The following CLEC7A variants were observed in gnomAD, a reference collection of about 807,000 sequenced individuals.
CLEC7A encodes C-type lectin domain family 7 member A.
In CLEC7A, 25 loss-of-function variants were observed where a neutral mutation model predicts 26.9. That is an observed-to-expected ratio of 0.93 (90% CI 0.68 to 1.30). The LOEUF is 1.30. CLEC7A is among the 50% of genes most tolerant of loss of function. CLEC7A has a pLI of 0.00. For synonymous variants in CLEC7A, 100 were observed against 99.5 expected, an observed-to-expected ratio of 1.01 and a Z score of -0.03; for missense variants, 275 against 286.7, an observed-to-expected ratio of 0.96 and a Z score of 0.29.
intron 2 of CLEC7A, chr12:10,126,971 G>A: frequency 2.7e-6 from 3 of 1,117,358 alleles, no homozygotes; most frequent in South Asian, 3.4e-5. Context: ...GAATGAGGGA[G>A]GCAGCAAGAG....
chr12:10,122,170 A>G (rs1948107886), intron 5 of CLEC7A, among the ~76,000 whole-genome samples: 1 of 149,874 alleles, frequency 6.7e-6, no homozygotes, highest in African/African-American at 2.5e-5. Flanking sequence ...GACAGATGAA[A>G]AAACACACAC....
intron 4 of CLEC7A, 96 bp from the exon 5 acceptor site, chr12:10,123,459 TCA>T: frequency 1.2e-6 from 1 of 854,014 alleles, no homozygotes; most frequent in Admixed American, 2.2e-5. Flanking sequence ...ACTGATTGAA[TCA>T]CTTTGGTAAA....
intron 5 of CLEC7A, among the ~76,000 whole-genome samples, chr12:10,121,866 G>C (rs958941518): frequency 5.9e-5 from 9 of 152,032 alleles, no homozygotes; most frequent in Non-Finnish European, 8.8e-5. Flanking sequence ...AAATTAGCCG[G>C]GCATGGTGGT....
In CLEC7A at chr12:10,130,112, C is replaced by T; in HGVS notation, c.-30G>A. ...CTTGAGAGCCCCTGAATAGATATAG[C>T]ATTTGGGAGCTCTTTTCTTTCTGCT... On this transcript the variant is annotated 5_prime_UTR_variant, in exon 1 of 6. An upstream start codon of the reference 5' UTR is lost. Coordinates refer to ENST00000304084, the MANE Select transcript of CLEC7A (RefSeq NM_197947.3). The T allele has an allele frequency of 9.3e-7, 1 of 1,070,580 alleles. No homozygotes were observed. Among genetic ancestry groups the T allele is most frequent in the Non-Finnish European group, 1.4e-6 (1 of 696,804 alleles). 66.3% of individuals were successfully genotyped at this position (1,070,580 alleles called of 1,614,324 possible). A position where few individuals can be genotyped will look rare whatever the true frequency, so the allele number is the denominator to read the frequency against.
At chr12:10,125,505 T>A in intron 3 of CLEC7A, 57 bp from the exon 4 acceptor site, 2 of 1,407,580 alleles carry the variant, frequency 1.4e-6, no homozygotes, top group Non-Finnish European at 1.9e-6. Context: ...ACTCTTTTAG[T>A]GTGAACACCA....
chr12:10,129,460 A>G (rs373928285), intron 1 of CLEC7A, among the ~76,000 whole-genome samples: 9 of 152,286 alleles, frequency 5.9e-5, no homozygotes, highest in African/African-American at 2.2e-4. Context: ...TAATTTAAAC[A>G]CTAATAATTG....
In CLEC7A at chr12:10,117,366, T is replaced by C. The variant is rs1394945834; in HGVS notation, c.*1092A>G. 1.3e-5 allele frequency: 2 copies of C among 151,688 alleles called. No individual in the cohort carries two copies. Among genetic ancestry groups the C allele is most frequent in the African/African-American group, 4.8e-5 (2 of 41,264 alleles). The allele number at this position is 151,688 out of a possible 1,614,324, so 9.4% of individuals were successfully genotyped here. On this transcript the variant is annotated 3_prime_UTR_variant, in exon 6 of 6. Transcript: ENST00000304084. The stretch of plus-strand genomic sequence containing the variant: ...CGACATGGAGAAACCCTGTCTCTAC[T>C]AAAAAAATACAAAATTAGCCGGGTG...
At chr12:10,123,420 C>G in intron 4 of CLEC7A, 57 bp from the exon 5 acceptor site, 2 of 1,059,624 alleles carry the variant, frequency 1.9e-6, no homozygotes, top group African/African-American at 1.6e-5. Flanking sequence ...GAGAAAGAAA[C>G]TATTATCATG....
chr12:10,120,555 A>G (rs1382469580), intron 5 of CLEC7A, among the ~76,000 whole-genome samples: 2 of 151,778 alleles, frequency 1.3e-5, no homozygotes, highest in African/African-American at 4.8e-5. Context: ...TACTAACTGC[A>G]TAAATCTGTG....
Position 10,117,890 on chromosome 12 carries a change from G to A in CLEC7A, c.*568C>T, listed in dbSNP as rs1263965261. The A allele has an allele frequency of 6.5e-6, 1 of 152,818 alleles. No homozygotes were observed. The highest frequency in any genetic ancestry group is 2.4e-5 in the African/African-American group (1 of 41,450). The allele number at this position is 152,818 out of a possible 1,614,324, so 9.5% of individuals were successfully genotyped here. A position where few individuals can be genotyped will look rare whatever the true frequency, so the allele number is the denominator to read the frequency against. On this transcript the variant is annotated 3_prime_UTR_variant, in exon 6 of 6. Coordinates refer to ENST00000304084, the MANE Select transcript of CLEC7A (RefSeq NM_197947.3). ...ATGGCTTACCCAAGGTAAATGCCAA[G>A]TCAATGGCAGAATGAAAATTCAAGC...
chr12:10,126,494 T>TA, intron 3 of CLEC7A, 77 bp downstream of exon 3: 7 of 1,492,530 alleles, frequency 4.7e-6, no homozygotes, highest in Non-Finnish European at 6.2e-6. Flanking sequence ...TGTTTTTCTT[T>TA]ACACCCCTGC....
chr12:10,122,962 T>C (rs1948143006), intron 5 of CLEC7A, among the ~76,000 whole-genome samples: 1 of 152,148 alleles, frequency 6.6e-6, no homozygotes, highest in African/African-American at 2.4e-5. Context: ...TGACTGCTCC[T>C]TGCCTGGACA....
At position 10,118,570 on chromosome 12, in the gene CLEC7A, G is replaced by A; in HGVS notation, c.632C>T (p.Ala211Val). The A allele has an allele frequency of 6.2e-7, 1 of 1,613,254 alleles. No individual in the cohort carries two copies. Among genetic ancestry groups the A allele is most frequent in the African/African-American group, 1.3e-5 (1 of 75,016 alleles). The change falls in exon 6 of 6, where the codon GCT becomes GTT. Residue 211 changes from alanine to valine, a missense_variant. By Grantham distance (64) the Ala-to-Val change is moderately conservative. Coordinates refer to ENST00000304084, the MANE Select transcript of CLEC7A (RefSeq NM_197947.3). ...ATTTGGAGATGGGTTTTCTTGGGTA[G>A]CTGTGGTTCTGATCTGAAATCTGTT... ...SSNLFQIRTT[A>V]TQENPSPNCV...
chr12:10,119,124 T>C (rs1947999277), intron 5 of CLEC7A, among the ~76,000 whole-genome samples: 1 of 152,166 alleles, frequency 6.6e-6, no homozygotes, highest in Admixed American at 6.5e-5. Flanking sequence ...TGCTTGACAG[T>C]TATGGAAATC....
intron 1 of CLEC7A, among the ~76,000 whole-genome samples, chr12:10,128,656 C>A (rs16910631): frequency 6.6e-6 from 1 of 151,970 alleles, no homozygotes; most frequent in African/African-American, 2.4e-5. Flanking sequence ...GGGAATTAAA[C>A]GAGCTAACAC....
At chr12:10,123,923 G>A (rs1188789050) in intron 4 of CLEC7A, among the ~76,000 whole-genome samples, 1 of 152,208 alleles carries the variant, frequency 6.6e-6, no homozygotes, top group African/African-American at 2.4e-5. Flanking sequence ...TGTGAGGACT[G>A]TACTGCCTCC....
chr12:10,122,484 C>CTTT (rs143612827), intron 5 of CLEC7A, among the ~76,000 whole-genome samples: 5,342 of 127,472 alleles, frequency 0.042, 142 homozygotes, highest in Non-Finnish European at 0.059. Context: ...TTCTTTTTTT[C>CTTT]TTTTTTTTTT....
chr12:10,126,844 C>T, intron 2 of CLEC7A, 136 bp from the exon 3 acceptor site: 2 of 720,810 alleles, frequency 2.8e-6, no homozygotes, highest in Non-Finnish European at 2.2e-6. Flanking sequence ...TGATATATTG[C>T]TGTGGAGAGA....
At chr12:10,129,691 C>T (rs186794874) in intron 1 of CLEC7A, among the ~76,000 whole-genome samples, 1 of 152,124 alleles carries the variant, frequency 6.6e-6, no homozygotes, top group Non-Finnish European at 1.5e-5. Context: ...GATCTTGGCT[C>T]ACTGCAACCT....
Sources: allele counts gnomAD v4.1 joint callset (sites outside exome capture counted in the v4.1 genomes callset), GRCh38; gene constraint gnomAD v4.1.1; transcripts MANE v1.5; gene names NCBI Gene and HGNC (gene_info 2026-07-23, HGNC 2026-07-21).